Variants in PSD3 observed in about 807,000 individuals in gnomAD.
PSD3 encodes the protein pleckstrin and Sec7 domain containing 3.
Under a neutral mutation model 105.5 loss-of-function variants are expected in PSD3, and 49 were observed. The observed-to-expected ratio is 0.46, with a 90% CI of 0.37 to 0.59. PSD3 has a LOEUF of 0.59. PSD3 is among the 20% of genes least tolerant of loss of function. The pLI, the probability that PSD3 is intolerant of heterozygous loss-of-function variation, is 0.00. For synonymous variants in PSD3, 557 were observed against 457.8 expected (o/e 1.22, Z -2.77); for missense variants, 1,561 against 1,263.8 (o/e 1.24, Z -3.57).
intron 9 of PSD3, among the ~76,000 whole-genome samples, chr8:18,665,360 C>G (rs1799387816): frequency 6.6e-6 from 1 of 152,184 alleles, no homozygotes; most frequent in African/African-American, 2.4e-5. Flanking sequence ...CAGAGGAAGT[C>G]ACTGCAGATG....
intron 1 of PSD3, among the ~76,000 whole-genome samples, chr8:18,995,471 T>C (rs1445036758): frequency 1.3e-5 from 2 of 151,938 alleles, no homozygotes; most frequent in Non-Finnish European, 2.9e-5. Context: ...AAAGGCCCAA[T>C]GTGGCAATAA....
chr8:19,052,053 AGGC>A (rs1217436291), intron 1 of PSD3, among the ~76,000 whole-genome samples: 7 of 152,226 alleles, frequency 4.6e-5, no homozygotes, highest in Admixed American at 3.3e-4. Flanking sequence ...GCCCAATTTC[AGGC>A]TTTCCATGGC....
chr8:18,558,884 T>C (rs904139959), intron 14 of PSD3, among the ~76,000 whole-genome samples: 1 of 152,236 alleles, frequency 6.6e-6, no homozygotes, highest in African/African-American at 2.4e-5. Context: ...ATATAAAAAC[T>C]AATTAAAGGC....
At chr8:19,044,641 A>G (rs541952426) in intron 1 of PSD3, among the ~76,000 whole-genome samples, 53 of 152,330 alleles carry the variant, frequency 3.5e-4, no homozygotes, top group African/African-American at 1.2e-3. Flanking sequence ...AACGCCAGGT[A>G]ATTGTTTCTA....
At chr8:18,559,337 T>C (rs925354911) in intron 14 of PSD3, among the ~76,000 whole-genome samples, 1 of 152,240 alleles carries the variant, frequency 6.6e-6, no homozygotes, top group Admixed American at 6.5e-5. Context: ...TAAGCCACTG[T>C]GATTTGAATT....
At chr8:18,607,162 C>T (rs559832492) in intron 11 of PSD3, among the ~76,000 whole-genome samples, 54 of 152,106 alleles carry the variant, frequency 3.6e-4, no homozygotes, top group Non-Finnish European at 6.6e-4. Flanking sequence ...CAGGTACTTT[C>T]TCTAATCTCA....
intron 4 of PSD3, among the ~76,000 whole-genome samples, chr8:18,816,142 T>A (rs554430755): frequency 1.3e-5 from 2 of 152,338 alleles, no homozygotes; most frequent in African/African-American, 4.8e-5. Context: ...TAGTACCCAA[T>A]ATGAATGAAT....
chr8:18,831,412 G>C (rs180843392), intron 4 of PSD3, among the ~76,000 whole-genome samples: 54 of 152,216 alleles, frequency 3.5e-4, no homozygotes, highest in Non-Finnish European at 8.8e-5. Flanking sequence ...AGTTCTCCAA[G>C]GTCAACCCTC....
At chr8:19,076,795 T>C (rs1016915363) in intron 1 of PSD3, among the ~76,000 whole-genome samples, 1 of 152,014 alleles carries the variant, frequency 6.6e-6, no homozygotes, top group Non-Finnish European at 1.5e-5. Context: ...CCCTTCCTTC[T>C]CTCCTCACCC....
intron 2 of PSD3, among the ~76,000 whole-genome samples, chr8:18,909,955 G>C (rs1204273678): frequency 1.3e-5 from 2 of 152,202 alleles, no homozygotes; most frequent in Admixed American, 1.3e-4. Flanking sequence ...TACAGCGAAA[G>C]GAAAAAGTGG....
chr8:18,550,160 G>A (rs1585219649), intron 15 of PSD3, among the ~76,000 whole-genome samples: 1 of 152,190 alleles, frequency 6.6e-6, no homozygotes, highest in Non-Finnish European at 1.5e-5. Flanking sequence ...TTTAAGGACA[G>A]GGAGTCATTT....
chr8:18,711,658 T>G (rs1802264788), intron 9 of PSD3, among the ~76,000 whole-genome samples: 1 of 152,132 alleles, frequency 6.6e-6, no homozygotes, highest in African/African-American at 2.4e-5. Context: ...CAAAGAGACT[T>G]AGACTCCCAC....
chr8:18,699,327 G>A (rs910830056), intron 9 of PSD3, among the ~76,000 whole-genome samples: 5 of 152,324 alleles, frequency 3.3e-5, no homozygotes, highest in Admixed American at 1.3e-4. Flanking sequence ...TGTTCACCAG[G>A]AATATCTAGC....
chr8:18,836,211 C>T (rs1040779510), intron 4 of PSD3, among the ~76,000 whole-genome samples: 7 of 152,268 alleles, frequency 4.6e-5, no homozygotes, highest in Middle Eastern at 3.4e-3. Flanking sequence ...CCTGAACTCA[C>T]GTTTGATGCA....
chr8:18,942,906 C>T (rs1822640632), intron 1 of PSD3, among the ~76,000 whole-genome samples: 1 of 152,078 alleles, frequency 6.6e-6, no homozygotes, highest in Admixed American at 6.6e-5. Context: ...GGTAACAAGC[C>T]CCTGCTATTC....
chr8:18,646,875 G>A (rs554410968), intron 10 of PSD3, among the ~76,000 whole-genome samples: 4 of 152,188 alleles, frequency 2.6e-5, no homozygotes, highest in African/African-American at 7.2e-5. Flanking sequence ...TTCTTTACTC[G>A]GAAAAAGAGT....
intron 10 of PSD3, among the ~76,000 whole-genome samples, chr8:18,645,089 T>C (rs1807935699): frequency 6.6e-6 from 1 of 152,210 alleles, no homozygotes. Flanking sequence ...ACCCACTCCC[T>C]TGATAACATT....
chr8:18,861,843 C>T (rs1193673983), intron 4 of PSD3, among the ~76,000 whole-genome samples: 3 of 152,110 alleles, frequency 2.0e-5, no homozygotes, highest in Non-Finnish European at 4.4e-5. Context: ...TTCCATCTTA[C>T]CAATAAGCAA....
chr8:18,892,913 C>A (rs1270554488), intron 2 of PSD3, among the ~76,000 whole-genome samples: 1 of 152,134 alleles, frequency 6.6e-6, no homozygotes, highest in Admixed American at 6.6e-5. Context: ...ATGTGAGCAA[C>A]CGTGCCCAGC....
Sources: gnomAD v4.1 joint callset for allele counts (sites outside exome capture counted in the v4.1 genomes callset) on GRCh38, gnomAD v4.1.1 for gene constraint, MANE v1.5 for transcripts, NCBI Gene and HGNC (gene_info 2026-07-23, HGNC 2026-07-21) for gene names.